Variants in EPHA4 observed in about 807,000 individuals in gnomAD.
The protein encoded by EPHA4 is ephrin type-A receptor 4.
EPHA4 carries 19 observed loss-of-function variants against 108.3 expected under a neutral mutation model. That is an observed-to-expected ratio of 0.18 (90% CI 0.12 to 0.26). EPHA4 has a LOEUF of 0.26. EPHA4 is among the 10% of genes least tolerant of loss of function. The pLI, the probability that EPHA4 is intolerant of heterozygous loss-of-function variation, is 1.00. For synonymous variants in EPHA4, 449 were observed against 455.5 expected (o/e 0.99, Z 0.18); for missense variants, 917 against 1,254.0 (o/e 0.73, Z 4.06).
At chr2:221,526,304 A>C (rs74760761) in intron 3 of EPHA4, among the ~76,000 whole-genome samples, 3,012 of 152,198 alleles carry the variant, frequency 0.02, 75 homozygotes, top group East Asian at 0.07. Context: ...TCCCCATTTT[A>C]AGCTACGGAA....
chr2:221,533,652 G>A (rs779520901), intron 3 of EPHA4, among the ~76,000 whole-genome samples: 2 of 148,332 alleles, frequency 1.3e-5, no homozygotes, highest in African/African-American at 5.0e-5. Context: ...TGATGGTACC[G>A]GGGGCTGTGC....
rs868141918 is a variant in EPHA4, at chr2:221,426,578, G to A, written c.2732C>T (p.Ser911Phe). The A allele has an allele frequency of 6.2e-7, 1 of 1,614,000 alleles. No homozygotes were observed. The highest frequency in any genetic ancestry group is 1.7e-5 in the Admixed American group (1 of 59,972). ...ALLDPSSPEF[S>F]AVVSVGDWLQ... ...CCAATCGCCCACTGATACCACAGCA[G>A]AGAATTCAGGGGAGCTTGGATCCAA... Residue 911 changes from serine (S) to phenylalanine (F), a missense_variant, in exon 16 of 18, where the codon TCT becomes TTT. Transcript: ENST00000281821.
In EPHA4 at chr2:221,564,031, G is replaced by C. The variant is rs1694550894; in HGVS notation, c.523C>G (p.Pro175Ala). The C allele has an allele frequency of 1.9e-6, 3 of 1,613,726 alleles. No individual in the cohort carries two copies. The highest frequency in any genetic ancestry group is 2.5e-6 in the Non-Finnish European group (3 of 1,179,962). ...KLNTEIRDVG[P>A]LSKKGFYLAF... ...AGGTAAAACCCCTTTTTGCTTAATG[G>C]CCCTACATCCCGGATCTCGGTGTTC... The change falls in exon 3 of 18, where the codon CCA becomes GCA. Residue 175 changes from proline (P) to alanine (A), a missense_variant. This residue lies in a region of EPHA4 where 758 missense variants were observed against 1,076.7 expected (regional missense o/e 0.70). Coordinates refer to ENST00000281821, the MANE Select transcript of EPHA4 (RefSeq NM_004438.5).
intron 3 of EPHA4, among the ~76,000 whole-genome samples, chr2:221,532,483 TTCTAGTTCTGA>T (rs1466299325): frequency 6.6e-6 from 1 of 152,242 alleles, no homozygotes; most frequent in African/African-American, 2.4e-5. Flanking sequence ...AGATTTAACA[TTCTAGTTCTGA>T]TTACTGGCCA....
rs1285947056 is a variant in EPHA4 at position 221,571,153 on chromosome 2, C to G, written c.91+1005G>C. On this transcript the variant is annotated intron_variant, in intron 1 of 17. Coordinates refer to ENST00000281821, the MANE Select transcript of EPHA4 (RefSeq NM_004438.5). This position sits in a 1 kb window ranked among gnomAD's most constrained non-coding sequence, Gnocchi z 6.3. Reference sequence around the variant, plus strand: ...ACGCAGTTGCACGCGCGCGCACACACACAGGCACACACACGCAGACATGCA... The same window carrying G: ...ACGCAGTTGCACGCGCGCGCACACAGACAGGCACACACACGCAGACATGCA... Among the ~76,000 whole-genome samples the G allele has an allele frequency of 6.6e-6, 1 of 152,004 alleles. No homozygotes were observed. The highest frequency in any genetic ancestry group is 1.5e-5 in the Non-Finnish European group (1 of 67,988).
intron 3 of EPHA4, among the ~76,000 whole-genome samples, chr2:221,539,489 G>A (rs1260684398): frequency 6.6e-6 from 1 of 152,174 alleles, no homozygotes; most frequent in Non-Finnish European, 1.5e-5. Flanking sequence ...GTAGAACCTT[G>A]TGGAATGTGC....
At chr2:221,478,324 A>G (rs1691721710) in intron 5 of EPHA4, among the ~76,000 whole-genome samples, 1 of 152,170 alleles carries the variant, frequency 6.6e-6, no homozygotes, top group Admixed American at 6.5e-5. Flanking sequence ...TTTGCCTGAG[A>G]TGGTCCACTT....
At chr2:221,539,116 C>A (rs1163623301) in intron 3 of EPHA4, among the ~76,000 whole-genome samples, 2 of 152,128 alleles carry the variant, frequency 1.3e-5, no homozygotes, top group African/African-American at 4.8e-5. Context: ...AGGGCCATGA[C>A]AATCCAGGAG....
At chr2:221,521,163 C>T (rs895872889) in intron 3 of EPHA4, among the ~76,000 whole-genome samples, 2 of 152,152 alleles carry the variant, frequency 1.3e-5, no homozygotes, top group African/African-American at 2.4e-5. Flanking sequence ...TCTCAACCCT[C>T]GGACTCTATT....
chr2:221,512,552 G>C (rs148102766), intron 3 of EPHA4, among the ~76,000 whole-genome samples: 1 of 152,206 alleles, frequency 6.6e-6, no homozygotes, highest in African/African-American at 2.4e-5. Flanking sequence ...GATATTTGGG[G>C]TACATAAAGA....
intron 3 of EPHA4, among the ~76,000 whole-genome samples, chr2:221,555,086 A>T (rs966385843): frequency 1.3e-5 from 2 of 152,146 alleles, no homozygotes; most frequent in African/African-American, 4.8e-5. Flanking sequence ...CCTTTTCCAA[A>T]GGTCAAAATG....
At chr2:221,443,158 A>G (rs1690482594) in intron 10 of EPHA4, 144 bp from the exon 11 acceptor site, 2 of 825,832 alleles carry the variant, frequency 2.4e-6, no homozygotes, top group Non-Finnish European at 3.7e-6. Flanking sequence ...CCTCCATGCA[A>G]CCCTGAAGTA....
At position 221,420,483 on chromosome 2, in the gene EPHA4, T is replaced by TCC. The variant is rs1689726162; in HGVS notation, c.*888_*889insGG. ...TTTAGACGGAACTGAGGAGGGTGTG[T>TCC]TCTGTTTTCTTCCACGGGCTTTGTA... On this transcript the variant is annotated 3_prime_UTR_variant, in exon 18 of 18. Coordinates refer to ENST00000281821, the MANE Select transcript of EPHA4 (RefSeq NM_004438.5). The TCC allele has an allele frequency of 6.6e-6, 1 of 152,608 alleles. No homozygotes were observed. The highest frequency in any genetic ancestry group is 6.5e-5 in the Admixed American group (1 of 15,286). The allele number at this position is 152,608 out of a possible 1,614,324, so 9.5% of individuals were successfully genotyped here.
intron 3 of EPHA4, among the ~76,000 whole-genome samples, chr2:221,545,215 AGGTGGGCGGATCACGAGGTCG>A (rs1559287783): frequency 8.6e-5 from 2 of 23,252 alleles, no homozygotes; most frequent in Non-Finnish European, 1.7e-4. Flanking sequence ...TGGGAGACCG[AGGTGGGCGGATCACGAGGTCG>A]AGGTGGGCGG....
In EPHA4 at chr2:221,464,468, G is replaced by T. The variant is rs1041782413; in HGVS notation, c.1319-6478C>A. Among the ~76,000 whole-genome samples the T allele has an allele frequency of 5.3e-4, 81 of 152,298 alleles. 1 individual carries two copies. The highest frequency in any genetic ancestry group is 1.6e-3 in the African/African-American group (65 of 41,572). Reference sequence around the variant, plus strand: ...CGTCTCTGAGATGCTAAGAGCTCTGGTGCTAATATTAATTGTTTTCTTCTA... The same window carrying T: ...CGTCTCTGAGATGCTAAGAGCTCTGTTGCTAATATTAATTGTTTTCTTCTA... On this transcript the variant is annotated intron_variant, in intron 5 of 17. Coordinates refer to ENST00000281821, the MANE Select transcript of EPHA4 (RefSeq NM_004438.5).
In EPHA4 at chr2:221,420,241, C is replaced by T. The variant is rs1462478485; in HGVS notation, c.*1131G>A. The T allele has an allele frequency of 1.4e-5, 2 of 146,886 alleles. No individual in the cohort carries two copies. The highest frequency in any genetic ancestry group is 3.0e-5 in the Non-Finnish European group (2 of 66,156). The allele number at this position is 146,886 out of a possible 1,614,324, so 9.1% of individuals were successfully genotyped here. ...ATATGGAAATACATATAAATAAAAC[C>T]GCAAAGAGTCTGGGGCAAGGGCTCT... is the stretch of plus-strand genomic sequence containing the variant. On this transcript the variant is annotated 3_prime_UTR_variant, in exon 18 of 18. Transcript: ENST00000281821.
At chr2:221,456,037 T>C (rs1302267684) in intron 7 of EPHA4, among the ~76,000 whole-genome samples, 2 of 152,196 alleles carry the variant, frequency 1.3e-5, no homozygotes, top group East Asian at 3.8e-4. Context: ...TTTGGGTTCA[T>C]TGATTACCGG....
At chr2:221,476,974 A>G (rs1209804589) in intron 5 of EPHA4, among the ~76,000 whole-genome samples, 2 of 152,176 alleles carry the variant, frequency 1.3e-5, no homozygotes, top group African/African-American at 4.8e-5. Context: ...ATGTTAATCA[A>G]CAAACAGATG....
In EPHA4 at chr2:221,507,164, G is replaced by T. The variant is rs549859497; in HGVS notation, c.824-5992C>A. Among the ~76,000 whole-genome samples the T allele has an allele frequency of 2.0e-5, 3 of 152,204 alleles. No homozygotes were observed. The South Asian group carries it at 6.2e-4, about 32-fold the overall frequency. On this transcript the variant is annotated intron_variant, in intron 3 of 17. Transcript: ENST00000281821. ...ATAACTTGTCCACGGGTCCTTTCTG[G>T]AGCATACTAGGATTGAGCCTCTACT...
Sources: gnomAD v4.1 joint callset for allele counts (sites outside exome capture counted in the v4.1 genomes callset) on GRCh38, gnomAD v4.1.1 for gene constraint, gnomAD v4.1.1 regional missense constraint, Gnocchi (gnomAD v3.1) non-coding constraint, MANE v1.5 for transcripts, NCBI Gene and HGNC (gene_info 2026-07-23, HGNC 2026-07-21) for gene names.